RNF217: variants seen among roughly 807,000 people sequenced by gnomAD.
RNF217 encodes the protein ring finger protein 217.
Under a neutral mutation model 57.8 loss-of-function variants are expected in RNF217, and 31 were observed. The observed-to-expected ratio is 0.54, with a 90% CI of 0.40 to 0.72. The LOEUF (loss-of-function observed/expected upper bound fraction) is 0.72. Among genes scored for constraint, RNF217 ranks in the 30% least tolerant of loss-of-function variants. RNF217 has a pLI of 0.00. For synonymous variants in RNF217, 313 were observed against 294.0 expected (o/e 1.06, Z -0.66); for missense variants, 696 against 708.3 (o/e 0.98, Z 0.20).
At position 124,984,292 on chromosome 6, in the gene RNF217, AT is replaced by A. The variant is rs1381708580; in HGVS notation, c.882+20868del. On this transcript the variant is annotated intron_variant, in intron 1 of 5. Transcript: ENST00000521654. ...CCAGGCATAGTGGCTCACGCCTGTA[AT>A]TCCAGCACTTTGGGAAGGCAAGGTG... Among the ~76,000 whole-genome samples the A allele has an allele frequency of 1.2e-4, 19 of 152,262 alleles. No homozygotes were observed. The East Asian group carries it at 3.5e-3, about 28-fold the overall frequency.
Position 124,962,536 on chromosome 6 carries a change from CGGGCGGCGATGGGCGA to C in RNF217, c.-6_10del. On this transcript the variant is annotated start_lost and 5_prime_UTR_variant, in exon 1 of 6. Coordinates refer to ENST00000521654, the MANE Select transcript of RNF217 (RefSeq NM_001286398.3). The surrounding 1 kb of genome is among the most constrained non-coding windows in gnomAD (Gnocchi z 4.6). ...GGATGGGCAGCGGCGGCGCGGGCCG[CGGGCGGCGATGGGCGA>C]GGAGCAGAGCACGGTGAGCGGCGGC... The C allele has an allele frequency of 8.5e-7, 1 of 1,178,114 alleles. No individual in the cohort carries two copies. Among genetic ancestry groups the C allele is most frequent in the South Asian group, 4.2e-5 (1 of 24,032 alleles). The allele number at this position is 1,178,114 out of a possible 1,614,324, so 73.0% of individuals were successfully genotyped here.
chr6:125,048,056 G>GTA (rs1787161636), intron 2 of RNF217: 6 of 453,292 alleles, frequency 1.3e-5, no homozygotes, highest in Non-Finnish European at 2.2e-5. Context: ...TTATTTTAGT[G>GTA]TAAAGTTTAT....
chr6:124,998,352 A>G (rs759570078), intron 1 of RNF217, among the ~76,000 whole-genome samples: 5 of 152,176 alleles, frequency 3.3e-5, no homozygotes, highest in Non-Finnish European at 5.9e-5. Context: ...TGGGATATGG[A>G]CAAGGGGAAG....
Position 125,058,108 on chromosome 6 carries a change from T to G in RNF217, c.1281+2T>G. 1.2e-6 allele frequency: 2 copies of G among 1,606,516 alleles called. No homozygotes were observed. Among genetic ancestry groups the G allele is most frequent in the Non-Finnish European group, 1.7e-6 (2 of 1,176,436 alleles). On this transcript the variant is annotated splice_donor_variant, in intron 3 of 5. Coordinates refer to ENST00000521654, the MANE Select transcript of RNF217 (RefSeq NM_001286398.3). LOFTEE classifies it high-confidence loss of function. ...GCCCAGAAGTGTCCAAAGTGCAAGG[T>G]GAGATAACTTTTAGGAGGAAAAGAA...
chr6:124,981,885 G>A (rs900885009), intron 1 of RNF217, among the ~76,000 whole-genome samples: 2 of 151,440 alleles, frequency 1.3e-5, no homozygotes, highest in African/African-American at 2.4e-5. Context: ...AAATTTGGCC[G>A]GGCGTGGTTA....
intron 1 of RNF217, among the ~76,000 whole-genome samples, chr6:125,044,869 G>C (rs1026536816): frequency 6.6e-6 from 1 of 152,026 alleles, no homozygotes; most frequent in Non-Finnish European, 1.5e-5. Context: ...CTTGCAGTTG[G>C]TGCATCATCT....
intron 1 of RNF217, among the ~76,000 whole-genome samples, chr6:125,005,478 A>G (rs77906933): frequency 0.021 from 3,153 of 152,318 alleles, 39 homozygotes; most frequent in Non-Finnish European, 0.031. Context: ...AAGAGAATAA[A>G]CTTGATCTCT....
intron 2 of RNF217, among the ~76,000 whole-genome samples, chr6:125,052,124 T>C (rs1449466278): frequency 1.3e-5 from 2 of 152,000 alleles, no homozygotes; most frequent in Non-Finnish European, 2.9e-5. Flanking sequence ...AAGAAAAGTA[T>C]GAGTCCAGCT....
intron 1 of RNF217, chr6:125,008,875 A>G (rs1785304699): frequency 6.3e-6 from 1 of 158,914 alleles, no homozygotes; most frequent in East Asian, 1.8e-4. Context: ...TCAATTCCCC[A>G]TATTGAACTG....
rs1165746920 is a variant in RNF217 at position 125,086,606 on chromosome 6, G to T, written c.*3669G>T. 1 of 152,040 alleles carries T rather than the reference G, an allele frequency of 6.6e-6. No individual in the cohort carries two copies. Among genetic ancestry groups the T allele is most frequent in the African/African-American group, 2.4e-5 (1 of 41,400 alleles). 9.4% of individuals were successfully genotyped at this position (152,040 alleles called of 1,614,324 possible). On this transcript the variant is annotated 3_prime_UTR_variant, in exon 6 of 6. Coordinates refer to ENST00000521654, the MANE Select transcript of RNF217 (RefSeq NM_001286398.3). Reference sequence around the variant, plus strand: ...TTATGTACGATTTAGTGATTTGGTGGGATAATTATAAATCGTGGAATAATT... The same window carrying T: ...TTATGTACGATTTAGTGATTTGGTGTGATAATTATAAATCGTGGAATAATT...
chr6:124,989,947 T>G (rs1784497330), intron 1 of RNF217, among the ~76,000 whole-genome samples: 7 of 151,996 alleles, frequency 4.6e-5, no homozygotes, highest in Admixed American at 4.6e-4. Context: ...AGTGTTCCTC[T>G]TGTGTGCTTT....
intron 1 of RNF217, among the ~76,000 whole-genome samples, chr6:124,987,141 A>G (rs992738522): frequency 1.8e-4 from 27 of 152,362 alleles, no homozygotes; most frequent in African/African-American, 6.0e-4. Context: ...ATTTCATTAC[A>G]GTGCAGAATA....
chr6:124,980,535 C>T (rs1369765451), intron 1 of RNF217, among the ~76,000 whole-genome samples: 2 of 152,132 alleles, frequency 1.3e-5, no homozygotes, highest in East Asian at 3.8e-4. Flanking sequence ...TATTTAATTA[C>T]ACATATTCCT....
chr6:124,964,336 C>G (rs1783439327), intron 1 of RNF217, among the ~76,000 whole-genome samples: 1 of 152,154 alleles, frequency 6.6e-6, no homozygotes, highest in South Asian at 2.1e-4. Context: ...CCTCACCCTC[C>G]AAGTCACTGC....
intron 1 of RNF217, among the ~76,000 whole-genome samples, chr6:124,975,519 C>T (rs1228810009): frequency 2.0e-5 from 3 of 152,216 alleles, no homozygotes; most frequent in African/African-American, 7.2e-5. Flanking sequence ...CAGCCTCTAA[C>T]TCCCAGGCTT....
rs1350668653 is a variant in RNF217 at position 125,081,421 on chromosome 6, C to A, written c.1484-15C>A. 1 of 1,606,554 alleles carries A rather than the reference C, an allele frequency of 6.2e-7. No individual in the cohort carries two copies. Among genetic ancestry groups the A allele is most frequent in the Non-Finnish European group, 8.5e-7 (1 of 1,174,982 alleles). On this transcript the variant is annotated splice_polypyrimidine_tract_variant and intron_variant, in intron 4 of 5. Coordinates refer to ENST00000521654, the MANE Select transcript of RNF217 (RefSeq NM_001286398.3). ...TTTTAAGACTCCTTAAATAATTTTG[C>A]CTTTTGTTTTCCAGCTGGAAAATTA...
intron 1 of RNF217, among the ~76,000 whole-genome samples, chr6:125,012,041 T>C (rs1302404629): frequency 6.6e-6 from 1 of 152,144 alleles, no homozygotes; most frequent in African/African-American, 2.4e-5. Context: ...ATACTGAATC[T>C]AATTAAAAGC....
chr6:125,059,227 T>C (rs529218), intron 3 of RNF217, among the ~76,000 whole-genome samples: 4,639 of 152,298 alleles, frequency 0.03, 232 homozygotes, highest in African/African-American at 0.1. Context: ...GGCTTTCTAA[T>C]AGAAGTGATG....
chr6:124,969,092 A>C (rs1049078911), intron 1 of RNF217, among the ~76,000 whole-genome samples: 2 of 152,176 alleles, frequency 1.3e-5, no homozygotes, highest in Non-Finnish European at 2.9e-5. Context: ...TCTCTCTGGG[A>C]GATTTTTATT....
Sources: gnomAD v4.1 joint callset for allele counts (sites outside exome capture counted in the v4.1 genomes callset) on GRCh38, gnomAD v4.1.1 for gene constraint, Gnocchi (gnomAD v3.1) non-coding constraint, MANE v1.5 for transcripts, NCBI Gene and HGNC (gene_info 2026-07-23, HGNC 2026-07-21) for gene names.